The following ACSM3 variants were observed in gnomAD, a reference collection of about 807,000 sequenced individuals.
ACSM3 encodes acyl-CoA synthetase medium chain family member 3.
A neutral mutation model predicts 74.1 loss-of-function variants in ACSM3; 61 were observed. That is an observed-to-expected ratio of 0.82 (90% confidence interval 0.67 to 1.02). The LOEUF is 1.02. Ranked by LOEUF, ACSM3 falls within the 50% of genes least tolerant of loss-of-function variation. The pLI, the probability that ACSM3 is intolerant of heterozygous loss-of-function variation, is 0.00. For synonymous variants in ACSM3, 213 were observed against 241.5 expected, an observed-to-expected ratio of 0.88 and a Z score of 1.09; for missense variants, 660 against 697.0, an observed-to-expected ratio of 0.95 and a Z score of 0.60.
At chr16:20,740,511 T>C (rs915047260) in intron 1 of ACSM3, among the ~76,000 whole-genome samples, 1 of 152,250 alleles carries the variant, frequency 6.6e-6, no homozygotes, top group Non-Finnish European at 1.5e-5. Flanking sequence ...AATAATTGTA[T>C]ACATTTACAG....
At chr16:20,784,816 A>T (rs980392677) in intron 7 of ACSM3, among the ~76,000 whole-genome samples, 168 bp from the exon 8 acceptor site, 3 of 152,096 alleles carry the variant, frequency 2.0e-5, no homozygotes, top group Non-Finnish European at 4.4e-5. Context: ...TTGTGTAGGT[A>T]CTTAGTAGTT....
At chr16:20,692,252 G>C (rs1343555727) in intron 1 of ACSM3, among the ~76,000 whole-genome samples, 2 of 152,226 alleles carry the variant, frequency 1.3e-5, no homozygotes, top group Non-Finnish European at 2.9e-5. Context: ...CTGAGACTAT[G>C]TGGCCAAGGT....
chr16:20,766,484 G>A (rs1278236703), intron 1 of ACSM3: 1 of 152,162 alleles, frequency 6.6e-6, no homozygotes, highest in African/African-American at 2.4e-5. Context: ...ACTGCAAAGT[G>A]CTTAGCACAG....
At chr16:20,744,728 G>A (rs537071387) in intron 1 of ACSM3, among the ~76,000 whole-genome samples, 3 of 152,202 alleles carry the variant, frequency 2.0e-5, no homozygotes, top group African/African-American at 7.2e-5. Flanking sequence ...AACCTATTGG[G>A]CTGTTTCTGT....
chr16:20,727,752 A>G (rs954434269), intron 1 of ACSM3, among the ~76,000 whole-genome samples: 4 of 152,170 alleles, frequency 2.6e-5, no homozygotes, highest in African/African-American at 9.6e-5. Flanking sequence ...CATCTCTCCA[A>G]CTGTGCTGGG....
At chr16:20,691,176 T>C (rs757868634) in intron 1 of ACSM3, 13 of 1,592,258 alleles carry the variant, frequency 8.2e-6, no homozygotes, top group Non-Finnish European at 8.5e-6. Context: ...CGGAACCTCA[T>C]TAGCCACTGC....
intron 3 of ACSM3, chr16:20,755,651 A>ATTATTATTATTAT (rs1567338897): frequency 6.7e-6 from 1 of 149,960 alleles, no homozygotes; most frequent in African/African-American, 2.4e-5. Flanking sequence ...TATTATTATT[A>ATTATTATTATTAT]TACTTTAAGT....
chr16:20,723,698 G>A (rs1317304305), intron 1 of ACSM3, among the ~76,000 whole-genome samples: 3 of 152,128 alleles, frequency 2.0e-5, no homozygotes, highest in Admixed American at 2.0e-4. Flanking sequence ...AGAAGTGTCT[G>A]TTCATATCCT....
intron 1 of ACSM3, among the ~76,000 whole-genome samples, chr16:20,722,670 C>T (rs1436630013): frequency 2.6e-5 from 4 of 152,148 alleles, no homozygotes; most frequent in Non-Finnish European, 4.4e-5. Flanking sequence ...TACATGAATA[C>T]GTGGGCAAGA....
chr16:20,779,510 C>T (rs1453400351), intron 4 of ACSM3, among the ~76,000 whole-genome samples: 2 of 151,940 alleles, frequency 1.3e-5, no homozygotes, highest in Admixed American at 6.5e-5. Flanking sequence ...GTTGTTTCTA[C>T]TCATTCTCAA....
upstream of ACSM3, among the ~76,000 whole-genome samples, chr16:20,760,435 T>G (rs930409085): frequency 4.6e-5 from 7 of 152,272 alleles, no homozygotes; most frequent in Admixed American, 1.3e-4. Context: ...TTAAACATCT[T>G]AAGGCAGGAA....
chr16:20,691,914 G>A (rs535302442), intron 1 of ACSM3, among the ~76,000 whole-genome samples: 1 of 152,086 alleles, frequency 6.6e-6, no homozygotes, highest in East Asian at 1.9e-4. Flanking sequence ...CCCCCTACAG[G>A]CGAGAATGAA....
intron 1 of ACSM3, among the ~76,000 whole-genome samples, chr16:20,724,791 G>T (rs1204872469): frequency 6.6e-6 from 1 of 152,182 alleles, no homozygotes; most frequent in Non-Finnish European, 1.5e-5. Context: ...TTGCTTCAAA[G>T]AGAATAAACT....
intron 1 of ACSM3, among the ~76,000 whole-genome samples, chr16:20,718,963 TAAC>T (rs953618083): frequency 2.0e-5 from 3 of 152,240 alleles, no homozygotes; most frequent in Non-Finnish European, 1.5e-5. Flanking sequence ...CATTTTTACT[TAAC>T]AAGTATTTGT....
chr16:20,790,675 T>A lies in ACSM3; in HGVS notation c.1313T>A (p.Phe438Tyr). The change falls in exon 10 of 14, where the codon TTT becomes TAT. Residue 438 changes from phenylalanine (F) to tyrosine (Y), a missense_variant. Physicochemically the swap from Phe to Tyr is conservative, Grantham distance 22. Transcript: ENST00000289416. The surrounding 1 kb of genome is among the most constrained non-coding windows in gnomAD (Gnocchi z 4.0). ...CTACCCAACCGACCATTTGGCCTTT[T>A]TACTCATTACGTAGTAAGTGACTTA... Reference protein sequence around the residue: ...QVLPNRPFGLFTHYVDNPSKT... With the variant: ...QVLPNRPFGLYTHYVDNPSKT... 1.2e-6 allele frequency: 2 copies of A among 1,614,174 alleles called. No homozygotes were observed. The highest frequency in any genetic ancestry group is 1.7e-6 in the Non-Finnish European group (2 of 1,180,006).
intron 1 of ACSM3, chr16:20,735,673 T>C (rs530663623): frequency 1.3e-5 from 2 of 152,154 alleles, no homozygotes; most frequent in Admixed American, 6.5e-5. Context: ...CTCCTAGCAA[T>C]AGAAAAAGTT....
At chr16:20,691,783 G>C (rs2079656035) in intron 1 of ACSM3, among the ~76,000 whole-genome samples, 1 of 151,086 alleles carries the variant, frequency 6.6e-6, no homozygotes, top group South Asian at 2.1e-4. Context: ...GTGTGTGTGT[G>C]TGTGTGTGTG....
chr16:20,761,266 C>T (rs1212010557), upstream of ACSM3, among the ~76,000 whole-genome samples: 1 of 152,214 alleles, frequency 6.6e-6, no homozygotes, highest in African/African-American at 2.4e-5. Flanking sequence ...TTGCCTATAA[C>T]TTCTTTGTCC....
chr16:20,741,397 G>T (rs999367971), intron 1 of ACSM3: 3 of 1,345,152 alleles, frequency 2.2e-6, no homozygotes, highest in East Asian at 5.1e-5. Context: ...CCCTACAGCC[G>T]TCACGCCGAC....
Sources: allele counts gnomAD v4.1 joint callset (sites outside exome capture counted in the v4.1 genomes callset), GRCh38; gene constraint gnomAD v4.1.1; non-coding constraint Gnocchi (gnomAD v3.1); transcripts MANE v1.5; gene names NCBI Gene and HGNC (gene_info 2026-07-23, HGNC 2026-07-21).